AGAP1: variants seen among roughly 807,000 people sequenced by gnomAD.
AGAP1 encodes the protein arf-GAP with GTPase, ANK repeat and PH domain-containing protein 1.
AGAP1 carries 29 observed loss-of-function variants against 105.3 expected under a neutral mutation model. That is an observed-to-expected ratio of 0.28 (90% confidence interval 0.21 to 0.38). The LOEUF (loss-of-function observed/expected upper bound fraction) is 0.38. AGAP1 is among the 10% of genes least tolerant of loss of function. The probability of loss-of-function intolerance (pLI) is 1.00; values close to 1 mark genes in which losing one functional copy is unlikely to be tolerated. For synonymous variants in AGAP1, 509 were observed against 485.9 expected (o/e 1.05, Z -0.63); for missense variants, 998 against 1,165.1 (o/e 0.86, Z 2.09).
intron 14 of AGAP1, among the ~76,000 whole-genome samples, chr2:236,037,604 C>T (rs761088033): frequency 2.0e-5 from 3 of 152,124 alleles, no homozygotes; most frequent in Non-Finnish European, 4.4e-5. Flanking sequence ...GGTGGGGTTT[C>T]ATCACGTTGC....
Position 235,689,500 on chromosome 2 carries a change from C to T in AGAP1, c.164-19679C>T, listed in dbSNP as rs548847393. ...TAGCTTGTCCAGGAAAATAATAGTG[C>T]GTTTGTAAGCCAGAGAAAGATGGTA... On this transcript the variant is annotated intron_variant, in intron 1 of 17. Coordinates refer to ENST00000304032, the MANE Select transcript of AGAP1 (RefSeq NM_001037131.3). This position sits in a 1 kb window ranked among gnomAD's most constrained non-coding sequence, Gnocchi z 4.2. Among the ~76,000 whole-genome samples the T allele has an allele frequency of 2.0e-5, 3 of 152,322 alleles. No individual in the cohort carries two copies. In the South Asian group the frequency reaches 6.2e-4, roughly 32 times the overall value.
chr2:235,776,333 G>C (rs547130462), intron 6 of AGAP1, among the ~76,000 whole-genome samples: 1 of 152,072 alleles, frequency 6.6e-6, no homozygotes, highest in Non-Finnish European at 1.5e-5. Flanking sequence ...GGAAGTCCAG[G>C]CCTCCTCCTC....
chr2:235,744,862 T>C lies in AGAP1; in HGVS notation c.538+23T>C, dbSNP rs1390011533. The C allele has an allele frequency of 6.2e-7, 1 of 1,613,762 alleles. No homozygotes were observed. The highest frequency in any genetic ancestry group is 8.5e-7 in the Non-Finnish European group (1 of 1,179,772). ...AGGGTGAGTGATGTTCGTGTGCAGA[T>C]TGTTTTGAAAGGGTTCTAACAGTTA... On this transcript the variant is annotated intron_variant, in intron 5 of 17. Coordinates refer to ENST00000304032, the MANE Select transcript of AGAP1 (RefSeq NM_001037131.3). The surrounding 1 kb of genome is among the most constrained non-coding windows in gnomAD (Gnocchi z 5.2).
Position 235,691,625 on chromosome 2 carries a change from C to T in AGAP1, c.164-17554C>T, listed in dbSNP as rs1180310529. On this transcript the variant is annotated intron_variant, in intron 1 of 17. Coordinates refer to ENST00000304032, the MANE Select transcript of AGAP1 (RefSeq NM_001037131.3). This position sits in a 1 kb window ranked among gnomAD's most constrained non-coding sequence, Gnocchi z 4.4. ...ATGTTGACAAGTGCTGGACAGTGGA[C>T]ACCAGCGGGAGACTCAGTACAAATC... 6.6e-6 allele frequency among the ~76,000 whole-genome samples: 1 copy of T among 152,250 alleles called. No homozygotes were observed. Among genetic ancestry groups the T allele is most frequent in the African/African-American group, 2.4e-5 (1 of 41,472 alleles).
intron 1 of AGAP1, among the ~76,000 whole-genome samples, chr2:235,545,012 A>G (rs190370583): frequency 9.1e-4 from 139 of 152,260 alleles, no homozygotes; most frequent in African/African-American, 3.2e-3. Context: ...TTTACATTCT[A>G]TATAGTGGAA....
At position 235,610,644 on chromosome 2, in the gene AGAP1, A is replaced by T. The variant is rs1183989450; in HGVS notation, c.164-98535A>T. ...GGGTTGAGCTTTAAATACAAATTTC[A>T]GGAGAGCTCAATACAGCCCATAGCA... On this transcript the variant is annotated intron_variant, in intron 1 of 17. Transcript: ENST00000304032. This position sits in a 1 kb window ranked among gnomAD's most constrained non-coding sequence, Gnocchi z 4.9. 6.6e-6 allele frequency among the ~76,000 whole-genome samples: 1 copy of T among 152,166 alleles called. No individual in the cohort carries two copies. The highest frequency in any genetic ancestry group is 1.5e-5 in the Non-Finnish European group (1 of 68,024).
chr2:235,999,103 G>T (rs907280352), intron 13 of AGAP1, among the ~76,000 whole-genome samples: 20 of 149,960 alleles, frequency 1.3e-4, no homozygotes, highest in Non-Finnish European at 2.8e-4. Context: ...ATGGTGAGAG[G>T]TGGTGGTGGT....
intron 9 of AGAP1, among the ~76,000 whole-genome samples, chr2:235,881,448 T>A (rs1164989746): frequency 6.6e-6 from 1 of 152,200 alleles, no homozygotes; most frequent in Non-Finnish European, 1.5e-5. Context: ...TTACGCTCTC[T>A]CAGTCATATT....
At chr2:235,533,803 C>T (rs963358927) in intron 1 of AGAP1, among the ~76,000 whole-genome samples, 1 of 152,254 alleles carries the variant, frequency 6.6e-6, no homozygotes, top group African/African-American at 2.4e-5. Flanking sequence ...AGCTGGACCC[C>T]TCCCCGCTGG....
At chr2:235,745,287 A>T (rs1952841028) in intron 5 of AGAP1, among the ~76,000 whole-genome samples, 1 of 152,190 alleles carries the variant, frequency 6.6e-6, no homozygotes, top group Non-Finnish European at 1.5e-5. Flanking sequence ...AGTTCTGTTT[A>T]TTAAGTTCTG....
At chr2:235,871,136 A>G (rs1415178010) in intron 9 of AGAP1, among the ~76,000 whole-genome samples, 1 of 152,216 alleles carries the variant, frequency 6.6e-6, no homozygotes, top group Non-Finnish European at 1.5e-5. Flanking sequence ...GATCACAGCT[A>G]CTGGCATCCC....
chr2:235,696,489 C>T (rs979819751), intron 1 of AGAP1, among the ~76,000 whole-genome samples: 5 of 152,178 alleles, frequency 3.3e-5, no homozygotes, highest in African/African-American at 1.2e-4. Context: ...TCCACGCTTT[C>T]CAGCCTGGAT....
rs1032878653 is a variant in AGAP1, at chr2:235,582,200, T to C, written c.163+87351T>C. 6.6e-6 allele frequency among the ~76,000 whole-genome samples: 1 copy of C among 152,124 alleles called. No individual in the cohort carries two copies. Among genetic ancestry groups the C allele is most frequent in the Non-Finnish European group, 1.5e-5 (1 of 68,010 alleles). On this transcript the variant is annotated intron_variant, in intron 1 of 17. Coordinates refer to ENST00000304032, the MANE Select transcript of AGAP1 (RefSeq NM_001037131.3). This position sits in a 1 kb window ranked among gnomAD's most constrained non-coding sequence, Gnocchi z 4.7. ...CAGATGTGAGCCCTGGAGCGCATGA[T>C]TGTGGTTTTGACCCATTCTTGCCCC...
rs886119482 is a variant in AGAP1, at chr2:235,725,236, T to C, written c.310+7592T>C. 6.6e-6 allele frequency among the ~76,000 whole-genome samples: 1 copy of C among 152,328 alleles called. No homozygotes were observed. Among genetic ancestry groups the C allele is most frequent in the African/African-American group, 2.4e-5 (1 of 41,578 alleles). The stretch of plus-strand genomic sequence containing the variant: ...ACCCTCCTTCAGGACTGCCTAGAAT[T>C]GTTTCCTGTCATCGGGGTAGTAAAT... On this transcript the variant is annotated intron_variant, in intron 3 of 17. Coordinates refer to ENST00000304032, the MANE Select transcript of AGAP1 (RefSeq NM_001037131.3). The surrounding 1 kb of genome is among the most constrained non-coding windows in gnomAD (Gnocchi z 5.7).
At chr2:236,115,269 T>C (rs932383293) in intron 16 of AGAP1, among the ~76,000 whole-genome samples, 3 of 152,196 alleles carry the variant, frequency 2.0e-5, no homozygotes, top group African/African-American at 7.2e-5. Flanking sequence ...GGCCATGGTG[T>C]CATCCAAATG....
intron 1 of AGAP1, among the ~76,000 whole-genome samples, chr2:235,654,705 A>T (rs1408442321): frequency 1.3e-5 from 2 of 152,146 alleles, no homozygotes; most frequent in African/African-American, 4.8e-5. Flanking sequence ...TTCTAATCAT[A>T]CCCACAGGAT....
chr2:235,734,792 C>T lies in AGAP1; in HGVS notation c.311-6171C>T, dbSNP rs1575267722. Among the ~76,000 whole-genome samples the T allele has an allele frequency of 6.6e-6, 1 of 152,216 alleles. No homozygotes were observed. Among genetic ancestry groups the T allele is most frequent in the Non-Finnish European group, 1.5e-5 (1 of 68,040 alleles). On this transcript the variant is annotated intron_variant, in intron 3 of 17. Coordinates refer to ENST00000304032, the MANE Select transcript of AGAP1 (RefSeq NM_001037131.3). This position sits in a 1 kb window ranked among gnomAD's most constrained non-coding sequence, Gnocchi z 5.3. ...GGCTGCCGGCTTTGTTTCTGTAGGGCTTGTCTTAGCAGAAGTTCACATGGA... is the reference window on the plus strand; with the variant it reads ...GGCTGCCGGCTTTGTTTCTGTAGGGTTTGTCTTAGCAGAAGTTCACATGGA...
chr2:235,515,992 G>A (rs1425494242), intron 1 of AGAP1, among the ~76,000 whole-genome samples: 3 of 151,920 alleles, frequency 2.0e-5, no homozygotes, highest in Admixed American at 6.6e-5. Flanking sequence ...TCCGAGTATC[G>A]TGACAGGTGG....
At chr2:235,892,189 T>G (rs2050578945) in intron 10 of AGAP1, among the ~76,000 whole-genome samples, 1 of 152,142 alleles carries the variant, frequency 6.6e-6, no homozygotes, top group Non-Finnish European at 1.5e-5. Flanking sequence ...TTCCTTTCCA[T>G]TCTGCATGTG....
Sources: gnomAD v4.1 joint callset for allele counts (sites outside exome capture counted in the v4.1 genomes callset) on GRCh38, gnomAD v4.1.1 for gene constraint, Gnocchi (gnomAD v3.1) non-coding constraint, MANE v1.5 for transcripts, NCBI Gene and HGNC (gene_info 2026-07-23, HGNC 2026-07-21) for gene names.